CDYL2: variants seen among roughly 807,000 people sequenced by gnomAD.
CDYL2 encodes the protein chromodomain Y-like protein 2.
CDYL2 carries 23 observed loss-of-function variants against 49.4 expected under a neutral mutation model. The ratio of observed to expected loss-of-function variants is 0.47; its 90% CI spans 0.34 to 0.66. The LOEUF (loss-of-function observed/expected upper bound fraction) is 0.66, where lower values mean the gene tolerates loss of function less well. Ranked by LOEUF, CDYL2 falls within the 30% of genes least tolerant of loss-of-function variation. CDYL2 has a pLI of 0.01. For missense variants in CDYL2, 678 were observed against 656.4 expected (o/e 1.03, Z -0.36); for synonymous variants, 360 against 268.8 (o/e 1.34, Z -3.32).
intron 2 of CDYL2, chr16:80,639,874 C>G: frequency 2.8e-6 from 1 of 362,662 alleles, no homozygotes; most frequent in South Asian, 2.1e-5. Context: ...AAAGCAAAAG[C>G]ATACCAAACT....
intron 1 of CDYL2, among the ~76,000 whole-genome samples, chr16:80,692,260 A>C (rs553607345): frequency 1.6e-4 from 24 of 152,330 alleles, no homozygotes; most frequent in African/African-American, 5.8e-4. Flanking sequence ...TCATTTCAAA[A>C]AACTGAATTA....
At chr16:80,795,623 C>T (rs907357283) in intron 1 of CDYL2, among the ~76,000 whole-genome samples, 3 of 152,162 alleles carry the variant, frequency 2.0e-5, no homozygotes, top group Non-Finnish European at 4.4e-5. Context: ...CCCCACCATT[C>T]ACCAACCTAC....
intron 1 of CDYL2, among the ~76,000 whole-genome samples, chr16:80,700,774 C>G (rs1904296340): frequency 6.6e-6 from 1 of 152,234 alleles, no homozygotes; most frequent in Admixed American, 6.5e-5. Context: ...TTCTCTCCTC[C>G]TCCTCCCACA....
chr16:80,764,648 C>G (rs1005856015), intron 1 of CDYL2, among the ~76,000 whole-genome samples: 6 of 152,094 alleles, frequency 3.9e-5, no homozygotes, highest in Non-Finnish European at 8.8e-5. Flanking sequence ...GAGATACTAG[C>G]ATCAATGGTA....
chr16:80,730,386 C>T (rs1330303350), intron 1 of CDYL2, among the ~76,000 whole-genome samples: 1 of 151,884 alleles, frequency 6.6e-6, no homozygotes, highest in Non-Finnish European at 1.5e-5. Flanking sequence ...CATACACTCT[C>T]CCAAGACTAA....
chr16:80,751,976 A>G (rs1906153089), intron 1 of CDYL2, among the ~76,000 whole-genome samples: 1 of 152,236 alleles, frequency 6.6e-6, no homozygotes, highest in African/African-American at 2.4e-5. Flanking sequence ...TTCAACCGTA[A>G]ATTACCAGGC....
intron 2 of CDYL2, among the ~76,000 whole-genome samples, chr16:80,678,764 A>G (rs747621664): frequency 0.059 from 8,856 of 150,908 alleles, 790 homozygotes; most frequent in African/African-American, 0.16. Context: ...ATTACTGGGT[A>G]TATACCCAAA....
chr16:80,690,096 A>G (rs1910353345), intron 1 of CDYL2, among the ~76,000 whole-genome samples: 1 of 151,826 alleles, frequency 6.6e-6, no homozygotes, highest in African/African-American at 2.4e-5. Context: ...ACTCTAGCCT[A>G]GGAGACAGAG....
rs147461014 is a variant in CDYL2, at chr16:80,687,388, G to A, written c.25-2259C>T. The stretch of plus-strand genomic sequence containing the variant: ...TGAGTGCGTGGGTGGGTGGATGGAT[G>A]GATGGGTGGATGGGTGGGTGGATGA... On this transcript the variant is annotated intron_variant, in intron 1 of 6. Transcript: ENST00000570137. Among the ~76,000 whole-genome samples the A allele has an allele frequency of 7.8e-4, 118 of 152,236 alleles. 3 individuals are homozygous for A. The East Asian group carries it at 0.022, about 28-fold the overall frequency.
chr16:80,653,055 C>T (rs8055716), intron 2 of CDYL2, among the ~76,000 whole-genome samples: 73,835 of 152,024 alleles, frequency 0.49, 19,658 homozygotes, highest in African/African-American at 0.69. Flanking sequence ...TCACCAGTTT[C>T]AACAACAAAA....
chr16:80,614,301 C>T (rs575657352), intron 4 of CDYL2, among the ~76,000 whole-genome samples: 1 of 152,318 alleles, frequency 6.6e-6, no homozygotes, highest in African/African-American at 2.4e-5. Flanking sequence ...AAGTGCTGGC[C>T]AAACAGGATG....
In CDYL2 at chr16:80,608,164, C is replaced by A; in HGVS notation, c.1290G>T (p.Gln430His). The A allele has an allele frequency of 6.2e-7, 1 of 1,605,190 alleles. No homozygotes were observed. The highest frequency in any genetic ancestry group is 8.5e-7 in the Non-Finnish European group (1 of 1,176,078). ...GGCTGAACGTGGTGGGCCAGAAGAC[C>A]TGCGACACCAGCCCCCTGCTGCAGG... Reference protein sequence around the residue: ...QEACSRGLVSQVFWPTTFSQE... With the variant: ...QEACSRGLVSHVFWPTTFSQE... Residue 430 changes from glutamine to histidine, a missense_variant, in exon 6 of 7, where the codon CAG (glutamine) becomes CAT (histidine). Physicochemically the swap from Gln to His is conservative, Grantham distance 24 (BLOSUM62 0). Transcript: ENST00000570137.
chr16:80,669,750 A>T (rs1909421857), intron 2 of CDYL2, among the ~76,000 whole-genome samples: 1 of 152,304 alleles, frequency 6.6e-6, no homozygotes, highest in South Asian at 2.1e-4. Flanking sequence ...TGGTCGCTGC[A>T]AAAGCTCCCT....
At chr16:80,662,689 T>C (rs1272629024) in intron 2 of CDYL2, 5 of 454,496 alleles carry the variant, frequency 1.1e-5, no homozygotes, top group Non-Finnish European at 1.8e-5. Flanking sequence ...GGAATCCACA[T>C]ATGGCTATTG....
intron 1 of CDYL2, among the ~76,000 whole-genome samples, chr16:80,698,720 T>C (rs1904286794): frequency 1.3e-5 from 2 of 152,130 alleles, no homozygotes; most frequent in South Asian, 4.1e-4. Context: ...TCCTGCCATA[T>C]AAGATGTGTC....
chr16:80,702,577 C>T (rs1160716310), intron 1 of CDYL2, among the ~76,000 whole-genome samples: 2 of 152,036 alleles, frequency 1.3e-5, no homozygotes, highest in African/African-American at 2.4e-5. Context: ...GAGTGACAAC[C>T]CATCTCTACA....
rs1906064937 is a variant in CDYL2, at chr16:80,601,139, T to C, written c.*3249A>G. On this transcript the variant is annotated 3_prime_UTR_variant, in exon 7 of 7. Transcript: ENST00000570137. ...CATTAAGTACATCAGCATTAGGCTGTGTCTTCCAAATGGTGGTGAGAAGGT... is the reference window on the plus strand; with the variant it reads ...CATTAAGTACATCAGCATTAGGCTGCGTCTTCCAAATGGTGGTGAGAAGGT... 1 of 152,210 alleles carries C rather than the reference T, an allele frequency of 6.6e-6. No homozygotes were observed. Among genetic ancestry groups the C allele is most frequent in the South Asian group, 2.1e-4 (1 of 4,824 alleles). The allele number at this position is 152,210 out of a possible 1,614,324, so 9.4% of individuals were successfully genotyped here.
At chr16:80,682,332 G>C (rs1161896945) in intron 2 of CDYL2, among the ~76,000 whole-genome samples, 1 of 152,206 alleles carries the variant, frequency 6.6e-6, no homozygotes, top group Non-Finnish European at 1.5e-5. Context: ...GTCTAGAATA[G>C]CATTTTGGAG....
At chr16:80,766,975 G>A (rs1203539019) in intron 1 of CDYL2, among the ~76,000 whole-genome samples, 1 of 152,122 alleles carries the variant, frequency 6.6e-6, no homozygotes, top group Non-Finnish European at 1.5e-5. Context: ...CCATTTTGCA[G>A]ATGAATAAAC....
Sources: gnomAD v4.1 joint callset for allele counts (sites outside exome capture counted in the v4.1 genomes callset) on GRCh38, gnomAD v4.1.1 for gene constraint, MANE v1.5 for transcripts, NCBI Gene and HGNC (gene_info 2026-07-23, HGNC 2026-07-21) for gene names.